The following DLG2 variants were observed in gnomAD, a reference collection of about 807,000 sequenced individuals.
DLG2 encodes disks large homolog 2.
Under a neutral mutation model 132.5 loss-of-function variants are expected in DLG2, and 45 were observed. The observed-to-expected ratio is 0.34, with a 90% CI of 0.27 to 0.44. DLG2 has a LOEUF of 0.44. Ranked by LOEUF, DLG2 falls within the 20% of genes least tolerant of loss-of-function variation. The pLI, the probability that DLG2 is intolerant of heterozygous loss-of-function variation, is 1.00. For missense variants in DLG2, 1,045 were observed against 1,196.9 expected, an observed-to-expected ratio of 0.87 and a Z score of 1.87; for synonymous variants, 424 against 419.6, an observed-to-expected ratio of 1.01 and a Z score of -0.13.
chr11:85,249,213 A>G (rs1349965366), intron 4 of DLG2, among the ~76,000 whole-genome samples: 1 of 151,994 alleles, frequency 6.6e-6, no homozygotes, highest in Non-Finnish European at 1.5e-5. Flanking sequence ...TTTCAGATAT[A>G]TCATAGGTAA....
At chr11:83,877,110 C>G (rs560957053) in intron 15 of DLG2, among the ~76,000 whole-genome samples, 6 of 152,100 alleles carry the variant, frequency 3.9e-5, no homozygotes, top group African/African-American at 1.4e-4. Flanking sequence ...TTTTCAAAAG[C>G]TTTGTATCAT....
intron 18 of DLG2, among the ~76,000 whole-genome samples, chr11:83,679,641 T>G (rs1592309204): frequency 6.6e-6 from 1 of 152,230 alleles, no homozygotes; most frequent in African/African-American, 2.4e-5. Flanking sequence ...TGCCAATTTC[T>G]TTCAAAATCA....
rs187935556 is a variant in DLG2, at chr11:84,288,797, C to A, written c.520-37506G>T. On this transcript the variant is annotated intron_variant, in intron 7 of 27. Transcript: ENST00000376104. ...ATGGATTCCACCAAAATAGGCCTTG[C>A]AAACTTTGCTTCATTGAACTATGTT... Among the ~76,000 whole-genome samples, 6 of 152,220 alleles carry A rather than the reference C, an allele frequency of 3.9e-5. No homozygotes were observed. The East Asian group carries it at 1.2e-3, about 29-fold the overall frequency.
chr11:85,436,769 G>C (rs1264163779), intron 3 of DLG2, among the ~76,000 whole-genome samples: 1 of 152,190 alleles, frequency 6.6e-6, no homozygotes, highest in African/African-American at 2.4e-5. Context: ...TCTAGAACCA[G>C]AAATACCATT....
intron 7 of DLG2, among the ~76,000 whole-genome samples, chr11:84,338,175 A>C (rs968415472): frequency 6.6e-6 from 1 of 152,226 alleles, no homozygotes; most frequent in East Asian, 1.9e-4. Context: ...TACAGTTCGA[A>C]GCCAGCACCC....
intron 18 of DLG2, among the ~76,000 whole-genome samples, chr11:83,748,822 C>T (rs2093102528): frequency 6.6e-6 from 1 of 152,176 alleles, no homozygotes; most frequent in Admixed American, 6.5e-5. Flanking sequence ...AATGAAATCT[C>T]TACTACTTTG....
chr11:83,573,513 T>C (rs1396692642), intron 19 of DLG2, among the ~76,000 whole-genome samples: 2 of 152,138 alleles, frequency 1.3e-5, no homozygotes, highest in Admixed American at 6.6e-5. Context: ...CTTATTCTTT[T>C]ATAGAACAGA....
At chr11:85,037,280 T>C (rs1489438049) in intron 6 of DLG2, among the ~76,000 whole-genome samples, 1 of 152,186 alleles carries the variant, frequency 6.6e-6, no homozygotes, top group African/African-American at 2.4e-5. Context: ...ATAGGCTTTG[T>C]AGTTAGGCAG....
At chr11:85,170,951 G>A (rs1222174417) in intron 4 of DLG2, among the ~76,000 whole-genome samples, 2 of 151,250 alleles carry the variant, frequency 1.3e-5, no homozygotes, top group South Asian at 2.1e-4. Flanking sequence ...AAAAAAAACA[G>A]GGGAGAAGGG....
At chr11:84,534,248 A>C (rs1368983326) in intron 7 of DLG2, among the ~76,000 whole-genome samples, 1 of 152,240 alleles carries the variant, frequency 6.6e-6, no homozygotes, top group Non-Finnish European at 1.5e-5. Context: ...AACAGAGAGC[A>C]TCTGAGCAAA....
intron 18 of DLG2, among the ~76,000 whole-genome samples, chr11:83,685,410 A>G (rs1176842003): frequency 6.6e-6 from 1 of 152,152 alleles, no homozygotes; most frequent in Non-Finnish European, 1.5e-5. Flanking sequence ...TCCGGTGCAC[A>G]GTTTTCAGTT....
At chr11:83,676,934 A>ATAAC (rs1029558345) in intron 18 of DLG2, among the ~76,000 whole-genome samples, 2 of 152,198 alleles carry the variant, frequency 1.3e-5, no homozygotes, top group African/African-American at 4.8e-5. Context: ...TGCTTAATAA[A>ATAAC]TAACTAATAA....
chr11:83,757,507 G>A (rs1354508301), intron 18 of DLG2, among the ~76,000 whole-genome samples: 1 of 152,154 alleles, frequency 6.6e-6, no homozygotes, highest in Non-Finnish European at 1.5e-5. Context: ...AATGCATAAT[G>A]GTAGGGACAA....
At chr11:83,787,373 G>A (rs2040295049) in intron 17 of DLG2, among the ~76,000 whole-genome samples, 1 of 139,668 alleles carries the variant, frequency 7.2e-6, no homozygotes, top group Admixed American at 7.5e-5. Flanking sequence ...CCAGGCTGGA[G>A]TGCAGTGACG....
intron 3 of DLG2, among the ~76,000 whole-genome samples, chr11:85,434,862 C>A (rs1466695799): frequency 1.3e-5 from 2 of 152,124 alleles, no homozygotes; most frequent in Non-Finnish European, 2.9e-5. Context: ...GGCAGAGACA[C>A]AGCAAAAATA....
At chr11:84,493,956 A>G (rs2099172725) in intron 7 of DLG2, among the ~76,000 whole-genome samples, 1 of 152,156 alleles carries the variant, frequency 6.6e-6, no homozygotes. Flanking sequence ...GCTTTGTCAT[A>G]GTGTAACATA....
At chr11:83,785,782 A>G (rs2095031893) in intron 18 of DLG2, among the ~76,000 whole-genome samples, 1 of 152,128 alleles carries the variant, frequency 6.6e-6, no homozygotes, top group Admixed American at 6.5e-5. Flanking sequence ...CTTGAAAAGG[A>G]GCTCCTAATA....
At position 85,323,478 on chromosome 11, in the gene DLG2, A is replaced by C. The variant is rs77033227; in HGVS notation, c.41-38113T>G. Among the ~76,000 whole-genome samples, 712 of 152,342 alleles carry C rather than the reference A, an allele frequency of 4.7e-3. 2 individuals carry two copies. The highest frequency in any genetic ancestry group is 0.016 in the African/African-American group (648 of 41,582). On this transcript the variant is annotated intron_variant, in intron 3 of 27. Coordinates refer to ENST00000376104, the MANE Select transcript of DLG2 (RefSeq NM_001142699.3). ...GAAATTAGAATATCTACCAACACAA[A>C]TATTTGTCATTTCTTTGTGTTGGGA...
intron 3 of DLG2, among the ~76,000 whole-genome samples, chr11:85,507,080 C>T (rs375104552): frequency 2.0e-5 from 3 of 152,094 alleles, no homozygotes; most frequent in South Asian, 4.1e-4. Context: ...TTCCTGCATC[C>T]CTTTATTTTA....
Sources: gnomAD v4.1 joint callset for allele counts (sites outside exome capture counted in the v4.1 genomes callset) on GRCh38, gnomAD v4.1.1 for gene constraint, MANE v1.5 for transcripts, NCBI Gene and HGNC (gene_info 2026-07-23, HGNC 2026-07-21) for gene names.